The following SKP1 variants were observed in gnomAD, a reference collection of about 807,000 sequenced individuals.
SKP1 encodes the protein S-phase kinase associated protein 1, also known as S-phase kinase-associated protein 1.
SKP1 carries 1 observed loss-of-function variant against 21.5 expected under a neutral mutation model. That is an observed-to-expected ratio of 0.05 (90% CI 0.02 to 0.22). The LOEUF is 0.22. SKP1 is among the 10% of genes least tolerant of loss of function. The pLI is 1.00. For synonymous variants in SKP1, 59 were observed against 59.3 expected, an observed-to-expected ratio of 0.99 and a Z score of 0.03; for missense variants, 70 against 192.0, an observed-to-expected ratio of 0.36 and a Z score of 3.76.
chr5:134,165,648 A>G (rs1420845640), intron 3 of SKP1, among the ~76,000 whole-genome samples: 1 of 147,996 alleles, frequency 6.8e-6, no homozygotes, highest in Admixed American at 6.8e-5. Context: ...GCACTTTGGG[A>G]GGCCAAGGTG....
chr5:134,151,805 C>A lies in SKP1; in HGVS notation c.*5928G>T. ...GCCAGCAGTACACAAGACTGCAAGG[C>A]AACAAGTACATTATCAATGAATTAG... On this transcript the variant is annotated 3_prime_UTR_variant, in exon 6 of 6. Coordinates refer to ENST00000353411, the MANE Select transcript of SKP1 (RefSeq NM_170679.3). The A allele has an allele frequency of 2.6e-6, 1 of 383,940 alleles. No individual in the cohort carries two copies. The allele number at this position is 383,940 out of a possible 1,614,324, so 23.8% of individuals were successfully genotyped here.
At chr5:134,174,579 A>C in intron 1 of SKP1, 1 of 543,376 alleles carries the variant, frequency 1.8e-6, no homozygotes, top group South Asian at 8.0e-5. Context: ...ATGTGAGTAC[A>C]ATTCCCTAAA....
intron 1 of SKP1, among the ~76,000 whole-genome samples, chr5:134,176,413 C>T (rs1327623709): frequency 6.6e-6 from 1 of 152,162 alleles, no homozygotes; most frequent in African/African-American, 2.4e-5. Context: ...ACAACAAAAG[C>T]CAGACACCGA....
rs542742120 is a variant in SKP1, at chr5:134,159,333, T to A, written c.316-738A>T. On this transcript the variant is annotated intron_variant, in intron 4 of 5. Transcript: ENST00000353411. ...ATACCTTTCTGTTTGTGATTTCTAA[T>A]TCCATTGCAGTCAGAAGACATACTT... is the stretch of plus-strand genomic sequence containing the variant. 7.9e-5 allele frequency among the ~76,000 whole-genome samples: 12 copies of A among 152,324 alleles called. No homozygotes were observed. In the South Asian group the frequency reaches 2.5e-3, roughly 32 times the overall value.
Position 134,155,779 on chromosome 5 carries a change from A to AT in SKP1, c.*1953dup, listed in dbSNP as rs1761110748. On this transcript the variant is annotated 3_prime_UTR_variant, in exon 6 of 6. Coordinates refer to ENST00000353411, the MANE Select transcript of SKP1 (RefSeq NM_170679.3). ...GACCTTCAGTGAAGATTTGTTTGTC[A>AT]TAATACTGCTAAGGATACTTCTGGT... 2.6e-5 allele frequency: 4 copies of AT among 152,160 alleles called. No homozygotes were observed. The highest frequency in any genetic ancestry group is 2.0e-4 in the Admixed American group (3 of 15,256). The allele number at this position is 152,160 out of a possible 1,614,324, so 9.4% of individuals were successfully genotyped here.
At chr5:134,174,900 G>A (rs1422419411) in intron 1 of SKP1, 2 of 150,768 alleles carry the variant, frequency 1.3e-5, no homozygotes, top group Non-Finnish European at 3.0e-5. Flanking sequence ...TACAAACAAG[G>A]AAAACAACAA....
At chr5:134,164,764 C>CTT (rs1761296183) in intron 3 of SKP1, among the ~76,000 whole-genome samples, 1 of 152,064 alleles carries the variant, frequency 6.6e-6, no homozygotes, top group Admixed American at 6.5e-5. Flanking sequence ...CTGGTAGAAA[C>CTT]TTTTAAAGAG....
chr5:134,160,763 A>G (rs1392214309), intron 4 of SKP1, among the ~76,000 whole-genome samples: 2 of 152,202 alleles, frequency 1.3e-5, no homozygotes, highest in Non-Finnish European at 2.9e-5. Flanking sequence ...GGTTTCTTAC[A>G]GACAGCACAG....
intron 3 of SKP1, among the ~76,000 whole-genome samples, chr5:134,162,930 A>G (rs1761246571): frequency 6.6e-6 from 1 of 151,914 alleles, no homozygotes. Context: ...GATAATAATA[A>G]TAGGCTGGGC....
At chr5:134,174,945 A>T (rs1329521071) in intron 1 of SKP1, 3 of 152,234 alleles carry the variant, frequency 2.0e-5, no homozygotes, top group Non-Finnish European at 4.4e-5. Context: ...GTACAGATTA[A>T]TTCAAGGCCT....
At position 134,176,861 on chromosome 5, in the gene SKP1, C is replaced by CA. The variant is rs1271575632; in HGVS notation, c.-8_-7insT. 1 of 152,874 alleles carries CA rather than the reference C, an allele frequency of 6.5e-6. No homozygotes were observed. The highest frequency in any genetic ancestry group is 1.5e-5 in the Non-Finnish European group (1 of 68,088). The allele number at this position is 152,874 out of a possible 1,614,324, so 9.5% of individuals were successfully genotyped here. ...TCAGTGGGCGGCTACTCACGGTGTTCGGTGTTAAGGAGACGGCCGGCGGGA... is the reference window on the plus strand; with the variant it reads ...TCAGTGGGCGGCTACTCACGGTGTTCAGGTGTTAAGGAGACGGCCGGCGGGA... On this transcript the variant is annotated 5_prime_UTR_variant, in exon 1 of 6. Coordinates refer to ENST00000353411, the MANE Select transcript of SKP1 (RefSeq NM_170679.3).
intron 3 of SKP1, chr5:134,161,799 C>A (rs1308220518): frequency 6.6e-6 from 1 of 152,062 alleles, no homozygotes; most frequent in Non-Finnish European, 1.5e-5. Context: ...CAGGAAAAGC[C>A]CCAAAATTTC....
chr5:134,163,310 G>T (rs1158725871), intron 3 of SKP1, among the ~76,000 whole-genome samples: 1 of 150,846 alleles, frequency 6.6e-6, no homozygotes, highest in Admixed American at 6.6e-5. Flanking sequence ...TAATGCCTAG[G>T]TTCACAACGG....
rs1381551958 is a variant in SKP1 at position 134,157,517 on chromosome 5, GA to G, written c.*215del. The G allele has an allele frequency of 1.9e-6, 1 of 528,214 alleles. No individual in the cohort carries two copies. The highest frequency in any genetic ancestry group is 3.4e-6 in the Non-Finnish European group (1 of 295,166). 32.7% of individuals were successfully genotyped at this position (528,214 alleles called of 1,614,324 possible). A position where few individuals can be genotyped will look rare whatever the true frequency, so the allele number is the denominator to read the frequency against. On this transcript the variant is annotated 3_prime_UTR_variant, in exon 6 of 6. Coordinates refer to ENST00000353411, the MANE Select transcript of SKP1 (RefSeq NM_170679.3). Reference sequence around the variant, plus strand: ...ACAGTTCAGTTTTATTCAGAGCAAAGAAAAAAGAAACTTTCCATCATACTAG... The same window carrying G: ...ACAGTTCAGTTTTATTCAGAGCAAAGAAAAAGAAACTTTCCATCATACTAG...
In SKP1 at chr5:134,151,774, G is replaced by A; in HGVS notation, c.*5959C>T. The A allele has an allele frequency of 2.3e-6, 1 of 442,172 alleles. No homozygotes were observed. Among genetic ancestry groups the A allele is most frequent in the South Asian group, 1.6e-5 (1 of 63,188 alleles). 27.4% of individuals were successfully genotyped at this position (442,172 alleles called of 1,614,324 possible). ...CTGCTCAATACTGGCACACAGACCA[G>A]AGGTAGCCAGCAGTACACAAGACTG... On this transcript the variant is annotated 3_prime_UTR_variant, in exon 6 of 6. Coordinates refer to ENST00000353411, the MANE Select transcript of SKP1 (RefSeq NM_170679.3).
At position 134,174,027 on chromosome 5, in the gene SKP1, A is replaced by G. The variant is rs1190801139; in HGVS notation, c.1-5T>C. Reference sequence around the variant, plus strand: ...CTGCAACTTAATTGAAGGCATCTAAAAAAAAAGGACATTAAATATAAAATT... The same window carrying G: ...CTGCAACTTAATTGAAGGCATCTAAGAAAAAAGGACATTAAATATAAAATT... On this transcript the variant is annotated splice_polypyrimidine_tract_variant and splice_region_variant and intron_variant, in intron 1 of 5. Transcript: ENST00000353411. The G allele has an allele frequency of 6.5e-7, 1 of 1,544,786 alleles. No homozygotes were observed. The highest frequency in any genetic ancestry group is 9.0e-7 in the Non-Finnish European group (1 of 1,116,782).
At chr5:134,158,052 G>C (rs1761150836) in intron 5 of SKP1, 1 of 1,459,030 alleles carries the variant, frequency 6.9e-7, no homozygotes, top group Non-Finnish European at 9.1e-7. Context: ...TCAGTCTGTA[G>C]TCATGTCAAC....
chr5:134,164,005 A>C (rs1394155110), intron 3 of SKP1, among the ~76,000 whole-genome samples: 2 of 152,020 alleles, frequency 1.3e-5, no homozygotes, highest in Non-Finnish European at 2.9e-5. Context: ...CTTTTCCCCC[A>C]AATATTCACG....
rs1408782963 is a variant in SKP1, at chr5:134,154,558, T to G, written c.*3175A>C. The G allele has an allele frequency of 6.6e-6, 1 of 152,100 alleles. No individual in the cohort carries two copies. Among genetic ancestry groups the G allele is most frequent in the African/African-American group, 2.4e-5 (1 of 41,396 alleles). The allele number at this position is 152,100 out of a possible 1,614,324, so 9.4% of individuals were successfully genotyped here. ...GCTAACATTCAGGAAGGTTTTGGTT[T>G]ACTTTTAGATCACAAGTGACATAAT... is the stretch of plus-strand genomic sequence containing the variant. On this transcript the variant is annotated 3_prime_UTR_variant, in exon 6 of 6. Transcript: ENST00000353411.
Sources: gnomAD v4.1 joint callset for allele counts (sites outside exome capture counted in the v4.1 genomes callset) on GRCh38, gnomAD v4.1.1 for gene constraint, MANE v1.5 for transcripts, NCBI Gene and HGNC (gene_info 2026-07-23, HGNC 2026-07-21) for gene names.